GPBAR1: variants seen among roughly 807,000 people sequenced by gnomAD.
GPBAR1 encodes G-protein coupled bile acid receptor 1.
In GPBAR1, 13 loss-of-function variants were observed where a neutral mutation model predicts 13.0. The ratio of observed to expected loss-of-function variants is 1.00; its 90% CI spans 0.65 to 1.59. The LOEUF (loss-of-function observed/expected upper bound fraction) is 1.59. Among genes scored for constraint, GPBAR1 ranks in the 40% most tolerant of loss-of-function variants. The probability of loss-of-function intolerance (pLI) is 0.00; values close to 1 mark genes in which losing one functional copy is unlikely to be tolerated. For synonymous variants in GPBAR1, 193 were observed against 205.2 expected, an observed-to-expected ratio of 0.94 and a Z score of 0.51; for missense variants, 398 against 436.4, an observed-to-expected ratio of 0.91 and a Z score of 0.78.
chr2:218,260,088 T>G (rs916333179), upstream of GPBAR1: 1 of 152,226 alleles, frequency 6.6e-6, no homozygotes, highest in Non-Finnish European at 1.5e-5. Flanking sequence ...GAAATCCTAA[T>G]AATGTTCCCA....
intron 1 of GPBAR1, among the ~76,000 whole-genome samples, 174 bp downstream of exon 1, chr2:218,261,390 G>A (rs145295708): frequency 2.0e-5 from 3 of 152,184 alleles, no homozygotes; most frequent in Admixed American, 1.3e-4. Flanking sequence ...AGGTGGGTTG[G>A]GGGGAATCAT....
rs754774621 is a variant in GPBAR1 at position 218,263,669 on chromosome 2, T to C, written c.945T>C (p.Ile315=). The change falls in exon 2 of 2, where the codon ATT becomes ATC. Residue 315 remains isoleucine (I), a synonymous_variant. Coordinates refer to ENST00000519574, the MANE Select transcript of GPBAR1 (RefSeq NM_170699.3). This position sits in a 1 kb window ranked among gnomAD's most constrained non-coding sequence, Gnocchi z 4.2. ...RASRDSPGPS[I]AYHPSSQSSV... is the part of the protein sequence containing the mutation. ...CCCGGGACAGTCCCGGCCCCAGCAT[T>C]GCCTACCACCCAAGCAGCCAAAGCA... The C allele has an allele frequency of 6.2e-7, 1 of 1,612,900 alleles. No individual in the cohort carries two copies. The highest frequency in any genetic ancestry group is 8.5e-7 in the Non-Finnish European group (1 of 1,179,852).
At position 218,263,482 on chromosome 2, in the gene GPBAR1, A is replaced by G. The variant is rs1690517352; in HGVS notation, c.758A>G (p.Gln253Arg). The change falls in exon 2 of 2, where the codon CAG (glutamine) becomes CGG (arginine). Residue 253 changes from glutamine (Q) to arginine (R), a missense_variant. Physicochemically the swap from Gln to Arg is conservative, Grantham distance 43. Coordinates refer to ENST00000519574, the MANE Select transcript of GPBAR1 (RefSeq NM_170699.3). This position sits in a 1 kb window ranked among gnomAD's most constrained non-coding sequence, Gnocchi z 4.2. ...CTCCTCTCAGTCCTGGCCTATGAGC[A>G]GCGCCCGCCACTGGGGCCTGGGACA... Reference protein sequence around the residue: ...TLLLSVLAYEQRPPLGPGTLL... With the variant: ...TLLLSVLAYERRPPLGPGTLL... The G allele has an allele frequency of 6.2e-7, 1 of 1,606,228 alleles. No individual in the cohort carries two copies.
At position 218,261,690 on chromosome 2, in the gene GPBAR1, T is replaced by C. The variant is rs1005501380; in HGVS notation, c.-46+474T>C. Among the ~76,000 whole-genome samples the C allele has an allele frequency of 7.2e-5, 11 of 151,994 alleles. No individual in the cohort carries two copies. The East Asian group carries it at 9.7e-4, about 13-fold the overall frequency. ...CCTTCCTCTCAGCTCAGGGCAGCCA[T>C]GGGGCCCTGATCCCCTGTCCTGGAG... On this transcript the variant is annotated intron_variant, in intron 1 of 1. Coordinates refer to ENST00000519574, the MANE Select transcript of GPBAR1 (RefSeq NM_170699.3).
In GPBAR1 at chr2:218,262,944, CT is replaced by C. The variant is rs753283468; in HGVS notation, c.221del (p.Leu74ArgfsTer42). On this transcript the variant is annotated frameshift_variant, in exon 2 of 2. Coordinates refer to ENST00000519574, the MANE Select transcript of GPBAR1 (RefSeq NM_170699.3). LOFTEE classifies it high-confidence loss of function. This position sits in a 1 kb window ranked among gnomAD's most constrained non-coding sequence, Gnocchi z 5.1. ...TGLALPTLPG[L>X]WNQSRRGYWS... ...TCTGGCATTGCCCACATTGCCAGGG[CT>C]GTGGAACCAGAGTCGCCGGGGTTAC... The C allele has an allele frequency of 1.1e-4, 185 of 1,613,814 alleles. 1 individual carries two copies. Among genetic ancestry groups the C allele is most frequent in the Non-Finnish European group, 1.3e-4 (152 of 1,179,868 alleles).
At position 218,263,134 on chromosome 2, in the gene GPBAR1, T is replaced by C. The variant is rs779355516; in HGVS notation, c.410T>C (p.Leu137Pro). ...ALLLTWAGPL[L>P]FASLPALGWN... ...CTCCTCACCTGGGCTGGTCCCCTGC[T>C]CTTTGCCAGTCTGCCCGCTCTGGGG... The change falls in exon 2 of 2, where the codon CTC becomes CCC. Residue 137 changes from leucine to proline, a missense_variant. Coordinates refer to ENST00000519574, the MANE Select transcript of GPBAR1 (RefSeq NM_170699.3). The surrounding 1 kb of genome is among the most constrained non-coding windows in gnomAD (Gnocchi z 4.2). 1.9e-6 allele frequency: 3 copies of C among 1,612,218 alleles called. No homozygotes were observed. The East Asian group carries it at 6.7e-5, about 36-fold the overall frequency.
rs536926054 is a variant in GPBAR1 at position 218,263,779 on chromosome 2, C to A, written c.*62C>A. 86 of 1,593,258 alleles carry A rather than the reference C, an allele frequency of 5.4e-5. 4 individuals are homozygous for A. In the South Asian group the frequency reaches 9.3e-4, roughly 17 times the overall value. On this transcript the variant is annotated 3_prime_UTR_variant, in exon 2 of 2. Transcript: ENST00000519574. This position sits in a 1 kb window ranked among gnomAD's most constrained non-coding sequence, Gnocchi z 4.2. The stretch of plus-strand genomic sequence containing the variant: ...TCCAGCTCAGCCATCCAGCCTGTCT[C>A]TACCGGGCCCCACTTCTCTGGATCA...
chr2:218,260,650 G>A (rs887807191), upstream of GPBAR1, among the ~76,000 whole-genome samples: 3 of 152,126 alleles, frequency 2.0e-5, no homozygotes, highest in Non-Finnish European at 4.4e-5. Flanking sequence ...GTGATGGGAT[G>A]GGGGAGTGAA....
At position 218,263,220 on chromosome 2, in the gene GPBAR1, C is replaced by A; in HGVS notation, c.496C>A (p.Leu166Met). The change falls in exon 2 of 2, where the codon CTG becomes ATG. Residue 166 changes from leucine (L) to methionine (M), a missense_variant. By Grantham distance (15) the Leu-to-Met change is conservative. Transcript: ENST00000519574. This position sits in a 1 kb window ranked among gnomAD's most constrained non-coding sequence, Gnocchi z 4.2. The stretch of plus-strand genomic sequence containing the variant: ...CCAGGCTATCTTCCCAGCCCCCTAC[C>A]TGTACCTCGAAGTCTATGGGCTCCT... ...SSQAIFPAPY[L>M]YLEVYGLLLP... is the part of the protein sequence containing the mutation. The A allele has an allele frequency of 6.2e-7, 1 of 1,608,574 alleles. No homozygotes were observed.
rs200857397 is a variant in GPBAR1, at chr2:218,263,627, G to C, written c.903G>C (p.Gly301=). 1 of 1,612,708 alleles carries C rather than the reference G, an allele frequency of 6.2e-7. No individual in the cohort carries two copies. The highest frequency in any genetic ancestry group is 1.7e-5 in the Admixed American group (1 of 60,010). ...WRAAAQRCLQ[G]LWGRASRDSP... is the part of the protein sequence containing the mutation. The stretch of plus-strand genomic sequence containing the variant: ...CAGCCGCCCAAAGGTGCCTGCAGGG[G>C]CTGTGGGGAAGAGCCTCCCGGGACA... Residue 301 remains glycine, a synonymous_variant, in exon 2 of 2, where the codon GGG becomes GGC. Coordinates refer to ENST00000519574, the MANE Select transcript of GPBAR1 (RefSeq NM_170699.3). This position sits in a 1 kb window ranked among gnomAD's most constrained non-coding sequence, Gnocchi z 4.2.
rs1198581043 is a variant in GPBAR1 at position 218,262,877 on chromosome 2, C to T, written c.153C>T (p.Gly51=). 3.1e-6 allele frequency: 5 copies of T among 1,613,610 alleles called. No individual in the cohort carries two copies. The highest frequency in any genetic ancestry group is 3.3e-5 in the Admixed American group (2 of 59,976). ...GCCGCCTGCGCAGCCCACCTGCTGG[C>T]TGCTTCTTCCTGAGCCTACTGCTGG... ...WDRRLRSPPA[G]CFFLSLLLAG... The change falls in exon 2 of 2, where the codon GGC becomes GGT. Residue 51 remains glycine (G), a synonymous_variant. Coordinates refer to ENST00000519574, the MANE Select transcript of GPBAR1 (RefSeq NM_170699.3). This position sits in a 1 kb window ranked among gnomAD's most constrained non-coding sequence, Gnocchi z 5.1.
Position 218,262,660 on chromosome 2 carries a change from C to G in GPBAR1, c.-45-20C>G. ...CACGACCTGCAGCCCCATCCTAACT[C>G]TGGCCACCCCATCCTGCAGGCATGC... On this transcript the variant is annotated intron_variant, in intron 1 of 1. Transcript: ENST00000519574. The surrounding 1 kb of genome is among the most constrained non-coding windows in gnomAD (Gnocchi z 5.1). 1 of 1,461,400 alleles carries G rather than the reference C, an allele frequency of 6.8e-7. No individual in the cohort carries two copies. Among genetic ancestry groups the G allele is most frequent in the Non-Finnish European group, 9.0e-7 (1 of 1,108,450 alleles). 90.5% of individuals were successfully genotyped at this position (1,461,400 alleles called of 1,614,324 possible). A position where few individuals can be genotyped will look rare whatever the true frequency, so the allele number is the denominator to read the frequency against.
In GPBAR1 at chr2:218,263,707, A is replaced by G; in HGVS notation, c.983A>G (p.Asp328Gly). ...AGCAGCCAAAGCAGTGTCGACCTGGACTTGAACTAAAGGAAGGGCCTCTGC... is the reference window on the plus strand; with the variant it reads ...AGCAGCCAAAGCAGTGTCGACCTGGGCTTGAACTAAAGGAAGGGCCTCTGC... ...HPSSQSSVDL[D>G]LN The change falls in exon 2 of 2, where the codon GAC becomes GGC. Residue 328 changes from aspartate (D) to glycine (G), a missense_variant. By Grantham distance (94) the Asp-to-Gly change is moderately conservative. Coordinates refer to ENST00000519574, the MANE Select transcript of GPBAR1 (RefSeq NM_170699.3). The surrounding 1 kb of genome is among the most constrained non-coding windows in gnomAD (Gnocchi z 4.2). 1 of 1,612,916 alleles carries G rather than the reference A, an allele frequency of 6.2e-7. No homozygotes were observed. The highest frequency in any genetic ancestry group is 8.5e-7 in the Non-Finnish European group (1 of 1,179,864).
chr2:218,263,764 C>T lies in GPBAR1; in HGVS notation c.*47C>T. The T allele has an allele frequency of 6.2e-7, 1 of 1,610,496 alleles. No individual in the cohort carries two copies. Among genetic ancestry groups the T allele is most frequent in the African/African-American group, 1.3e-5 (1 of 74,976 alleles). On this transcript the variant is annotated 3_prime_UTR_variant, in exon 2 of 2. Transcript: ENST00000519574. The surrounding 1 kb of genome is among the most constrained non-coding windows in gnomAD (Gnocchi z 4.2). ...CTACCAGAGCATCCGTCCAGCTCAG[C>T]CATCCAGCCTGTCTCTACCGGGCCC...
chr2:218,262,915 C>T lies in GPBAR1; in HGVS notation c.191C>T (p.Thr64Met), dbSNP rs547700545. Residue 64 changes from threonine (T) to methionine (M), a missense_variant, in exon 2 of 2, where the codon ACG becomes ATG. Physicochemically the swap from Thr to Met is moderately conservative, Grantham distance 81. Coordinates refer to ENST00000519574, the MANE Select transcript of GPBAR1 (RefSeq NM_170699.3). The surrounding 1 kb of genome is among the most constrained non-coding windows in gnomAD (Gnocchi z 5.1). The part of the protein sequence containing the change: ...FLSLLLAGLL[T>M]GLALPTLPGL... ...AGCCTACTGCTGGCTGGGCTGCTCACGGGTCTGGCATTGCCCACATTGCCA... is the reference window on the plus strand; with the variant it reads ...AGCCTACTGCTGGCTGGGCTGCTCATGGGTCTGGCATTGCCCACATTGCCA... 4.3e-6 allele frequency: 7 copies of T among 1,613,748 alleles called. No individual in the cohort carries two copies. The highest frequency in any genetic ancestry group is 2.2e-5 in the East Asian group (1 of 44,878).
At chr2:218,261,420 T>C (rs1380092080) in intron 1 of GPBAR1, among the ~76,000 whole-genome samples, 1 of 152,078 alleles carries the variant, frequency 6.6e-6, no homozygotes, top group Non-Finnish European at 1.5e-5. Context: ...GGCTGGGAGC[T>C]CCAGCTCAGG....
chr2:218,259,638 T>A (rs557723066), upstream of GPBAR1: 1 of 152,416 alleles, frequency 6.6e-6, no homozygotes, highest in Non-Finnish European at 1.5e-5. Flanking sequence ...ATCTCCAGGA[T>A]CCCTGACTGG....
At chr2:218,259,826 AT>A (rs1690369361), upstream of GPBAR1, 1 of 152,004 alleles carries the variant, frequency 6.6e-6, no homozygotes, top group African/African-American at 2.4e-5. Flanking sequence ...GTTCCCTCCC[AT>A]TTCAGGCCTT....
chr2:218,262,548 GA>G lies in GPBAR1; in HGVS notation c.-45-127del, dbSNP rs1382156641. On this transcript the variant is annotated intron_variant, in intron 1 of 1. Coordinates refer to ENST00000519574, the MANE Select transcript of GPBAR1 (RefSeq NM_170699.3). This position sits in a 1 kb window ranked among gnomAD's most constrained non-coding sequence, Gnocchi z 5.1. The stretch of plus-strand genomic sequence containing the variant: ...ATAAATGTTTAATTGGCAATTAATT[GA>G]AAAATTCTGTGTATCAGCGAACATG... The G allele has an allele frequency of 3.2e-6, 2 of 616,252 alleles. No individual in the cohort carries two copies. Among genetic ancestry groups the G allele is most frequent in the East Asian group, 5.6e-5 (2 of 35,874 alleles). 38.2% of individuals were successfully genotyped at this position (616,252 alleles called of 1,614,324 possible). A position where few individuals can be genotyped will look rare whatever the true frequency, so the allele number is the denominator to read the frequency against.
Sources: allele counts gnomAD v4.1 joint callset (sites outside exome capture counted in the v4.1 genomes callset), GRCh38; gene constraint gnomAD v4.1.1; non-coding constraint Gnocchi (gnomAD v3.1); transcripts MANE v1.5; gene names NCBI Gene and HGNC (gene_info 2026-07-23, HGNC 2026-07-21).